The following ZBED6 variants were observed in gnomAD, a reference collection of about 807,000 sequenced individuals.
ZBED6 encodes zinc finger BED-type containing 6, also known as zinc finger BED domain-containing protein 6.
In ZBED6, 40 loss-of-function variants were observed where a neutral mutation model predicts 58.4. That is an observed-to-expected ratio of 0.68 (90% CI 0.53 to 0.89). The LOEUF (loss-of-function observed/expected upper bound fraction) is 0.89, where lower values mean the gene tolerates loss of function less well. Among genes scored for constraint, ZBED6 ranks in the 40% least tolerant of loss-of-function variants. The pLI is 0.00. For missense variants in ZBED6, 1,057 were observed against 1,003.9 expected, an observed-to-expected ratio of 1.05 and a Z score of -0.71; for synonymous variants, 439 against 350.6, an observed-to-expected ratio of 1.25 and a Z score of -2.82.
exon 1 of ZBED6, chr1:203,798,931 T>C: frequency 6.5e-7 from 1 of 1,536,136 alleles, no homozygotes; most frequent in Non-Finnish European, 8.7e-7. Context: ...AAAATTTTCT[T>C]AACTTTAGAG....
chr1:203,818,121 G>A (rs968945526), intron 2 of ZBED6, among the ~76,000 whole-genome samples: 5 of 152,210 alleles, frequency 3.3e-5, no homozygotes, highest in African/African-American at 1.2e-4. Flanking sequence ...TTGCACAACA[G>A]TAGCGTTTTA....
exon 1 of ZBED6, chr1:203,802,850 G>T (rs1392231149): frequency 6.6e-6 from 1 of 152,354 alleles, no homozygotes; most frequent in Non-Finnish European, 1.5e-5. Flanking sequence ...AAAAACACAT[G>T]CTGTGTTTGA....
intron 9 of ZBED6, among the ~76,000 whole-genome samples, chr1:203,835,324 A>G (rs1683937031): frequency 6.6e-6 from 1 of 152,154 alleles, no homozygotes; most frequent in Non-Finnish European, 1.5e-5. Context: ...ATCAGTAAAT[A>G]TTTTCTGCAC....
chr1:203,851,159 G>T, intron 16 of ZBED6, 35 bp downstream of exon 16: 7 of 1,601,430 alleles, frequency 4.4e-6, no homozygotes, highest in Non-Finnish European at 6.0e-6. Context: ...ACAAACTCCA[G>T]GCCCCTGTTA....
At chr1:203,836,552 G>A (rs546759160) in intron 9 of ZBED6, among the ~76,000 whole-genome samples, 39 of 152,178 alleles carry the variant, frequency 2.6e-4, no homozygotes, top group Non-Finnish European at 4.9e-4. Context: ...GTTCGAGACC[G>A]GCCTGATCAA....
At chr1:203,811,842 A>G (rs1674600562) in intron 1 of ZBED6, among the ~76,000 whole-genome samples, 1 of 148,922 alleles carries the variant, frequency 6.7e-6, no homozygotes, top group South Asian at 2.1e-4. Flanking sequence ...TTTTTTAGAC[A>G]GGTCTCACTG....
intron 1 of ZBED6, among the ~76,000 whole-genome samples, chr1:203,812,162 G>T (rs1040295495): frequency 1.3e-5 from 2 of 152,194 alleles, no homozygotes; most frequent in Middle Eastern, 3.4e-3. Flanking sequence ...GGATGTGCAG[G>T]TTTGTTACAC....
chr1:203,806,576 T>A (rs1002887897), intron 1 of ZBED6, among the ~76,000 whole-genome samples: 13 of 152,194 alleles, frequency 8.5e-5, no homozygotes, highest in Non-Finnish European at 1.5e-4. Flanking sequence ...GTGCTGGGAT[T>A]ATAGGCATGA....
rs973165307 is a variant in ZBED6, at chr1:203,842,316, A to C, written c.*3741+1942A>C. Among the ~76,000 whole-genome samples, 5 of 152,182 alleles carry C rather than the reference A, an allele frequency of 3.3e-5. 1 individual carries two copies. The East Asian group carries it at 5.8e-4, about 18-fold the overall frequency. ...CACTCCAGCCTGGGCAACATTGAGC[A>C]CTGAGTGAGCGAGACTCCGTCTGCA... On this transcript the variant is annotated intron_variant, in intron 11 of 16. Transcript: ENST00000550078.
intron 4 of ZBED6, 64 bp from the exon 5 acceptor site, chr1:203,829,387 G>A: frequency 6.4e-7 from 1 of 1,558,302 alleles, no homozygotes; most frequent in Non-Finnish European, 8.8e-7. Flanking sequence ...AGGTGGTCAG[G>A]AATTTTTGGT....
intron 7 of ZBED6, 36 bp downstream of exon 7, chr1:203,830,239 T>C: frequency 6.6e-7 from 1 of 1,510,988 alleles, no homozygotes; most frequent in Non-Finnish European, 9.0e-7. Flanking sequence ...TAGTTGTATG[T>C]TGCTAGGGAA....
chr1:203,841,771 C>T (rs1317137136), intron 11 of ZBED6, among the ~76,000 whole-genome samples: 10 of 145,896 alleles, frequency 6.9e-5, no homozygotes, highest in Admixed American at 2.0e-4. Flanking sequence ...GGGCAGTGGC[C>T]GGGTGGAGGC....
chr1:203,796,277 T>A (rs1194774589), exon 1 of ZBED6: 1 of 396,402 alleles, frequency 2.5e-6, no homozygotes, highest in African/African-American at 2.1e-5. Context: ...ATTTACCTAC[T>A]CTCATTCCTC....
intron 8 of ZBED6, among the ~76,000 whole-genome samples, chr1:203,832,072 C>A (rs372455526): frequency 2.6e-5 from 4 of 151,984 alleles, no homozygotes; most frequent in African/African-American, 7.3e-5. Context: ...TTATTTATTT[C>A]TTTGAGACAG....
At chr1:203,797,787 T>G (rs1290037581) in exon 1 of ZBED6, 13 of 1,535,914 alleles carry the variant, frequency 8.5e-6, no homozygotes, top group Non-Finnish European at 1.1e-5. Flanking sequence ...TAGTAAGGAT[T>G]TGGGATCTGG....
chr1:203,804,005 A>G (rs1438286817), intron 1 of ZBED6, among the ~76,000 whole-genome samples: 1 of 152,124 alleles, frequency 6.6e-6, no homozygotes, highest in South Asian at 2.1e-4. Context: ...CGATGTGTGC[A>G]TTATTTTTTG....
At chr1:203,845,030 G>C (rs984929339) in intron 11 of ZBED6, among the ~76,000 whole-genome samples, 2 of 152,062 alleles carry the variant, frequency 1.3e-5, no homozygotes, top group African/African-American at 2.4e-5. Context: ...GGTTATGTCA[G>C]ATCCCACCGT....
At chr1:203,815,216 C>CTTTTTTTTTTTTTTTTTTTTT (rs59254922) in intron 1 of ZBED6, among the ~76,000 whole-genome samples, 3 of 97,154 alleles carry the variant, frequency 3.1e-5, no homozygotes, top group Admixed American at 1.5e-4. Context: ...CTTTTCTTTT[C>CTTTTTTTTTTTTTTTTTTTTT]TTTTTTTTTT....
chr1:203,825,174 C>T (rs1680117499), intron 3 of ZBED6, among the ~76,000 whole-genome samples: 1 of 150,076 alleles, frequency 6.7e-6, no homozygotes, highest in African/African-American at 2.5e-5. Flanking sequence ...AATGAATGAA[C>T]AATATTAAAT....
Sources: gnomAD v4.1 joint callset for allele counts (sites outside exome capture counted in the v4.1 genomes callset) on GRCh38, gnomAD v4.1.1 for gene constraint, MANE v1.5 for transcripts, NCBI Gene and HGNC (gene_info 2026-07-23, HGNC 2026-07-21) for gene names.